KCNB2: variants seen among roughly 807,000 people sequenced by gnomAD.
KCNB2 encodes potassium voltage-gated channel subfamily B member 2.
KCNB2 carries 15 observed loss-of-function variants against 61.5 expected under a neutral mutation model. The observed-to-expected ratio is 0.24, with a 90% CI of 0.16 to 0.38. The LOEUF is 0.38. Ranked by LOEUF, KCNB2 falls within the 10% of genes least tolerant of loss-of-function variation. KCNB2 has a pLI of 1.00. For synonymous variants in KCNB2, 457 were observed against 446.0 expected (o/e 1.02, Z -0.31); for missense variants, 828 against 1,125.2 (o/e 0.74, Z 3.78).
intron 2 of KCNB2, among the ~76,000 whole-genome samples, chr8:72,814,125 G>A (rs568939145): frequency 6.6e-6 from 1 of 152,060 alleles, no homozygotes; most frequent in Non-Finnish European, 1.5e-5. Flanking sequence ...TTTGTATCTA[G>A]TTTCTTTTGT....
chr8:72,601,175 CCA>C (rs1805345897), intron 2 of KCNB2, among the ~76,000 whole-genome samples: 1 of 152,024 alleles, frequency 6.6e-6, no homozygotes, highest in South Asian at 2.1e-4. Flanking sequence ...TTAATTAACC[CCA>C]GTTTTAACTC....
chr8:72,701,604 A>G (rs1807128011), intron 2 of KCNB2, among the ~76,000 whole-genome samples: 1 of 152,132 alleles, frequency 6.6e-6, no homozygotes, highest in African/African-American at 2.4e-5. Flanking sequence ...AGGAAAGAGG[A>G]TAGGCTGGAG....
intron 2 of KCNB2, among the ~76,000 whole-genome samples, chr8:72,689,773 T>C: frequency 6.6e-6 from 1 of 152,244 alleles, no homozygotes; most frequent in East Asian, 1.9e-4. Context: ...ATAGAATATA[T>C]CGCATTTTAT....
intron 2 of KCNB2, among the ~76,000 whole-genome samples, chr8:72,667,208 C>T (rs943484542): frequency 3.3e-5 from 5 of 152,134 alleles, no homozygotes; most frequent in Admixed American, 6.5e-5. Flanking sequence ...TAATACTGGG[C>T]CTGAAGCATA....
chr8:72,549,879 A>T (rs1330944164), intron 1 of KCNB2, among the ~76,000 whole-genome samples: 6 of 152,226 alleles, frequency 3.9e-5, no homozygotes, highest in South Asian at 2.1e-4. Flanking sequence ...GATGGTAATT[A>T]TAGCATAGAC....
chr8:72,787,653 T>TGCTGAGGG (rs1442773123), intron 2 of KCNB2, among the ~76,000 whole-genome samples: 1 of 152,110 alleles, frequency 6.6e-6, no homozygotes, highest in African/African-American at 2.4e-5. Flanking sequence ...AATGGTAGAT[T>TGCTGAGGG]TCAGAGTAAA....
At chr8:72,561,727 ATCTATATC>A (rs1211115060) in intron 1 of KCNB2, among the ~76,000 whole-genome samples, 11,015 of 34,750 alleles carry the variant, frequency 0.32, 2,237 homozygotes, top group East Asian at 0.52. Flanking sequence ...ATATATATAT[ATCTATATC>A]TATATATATA....
chr8:72,915,644 G>T (rs1806384228), intron 2 of KCNB2, among the ~76,000 whole-genome samples: 1 of 152,174 alleles, frequency 6.6e-6, no homozygotes, highest in African/African-American at 2.4e-5. Flanking sequence ...CTGCTGCCGG[G>T]CACGGTGGCT....
At chr8:72,907,631 C>G (rs550447459) in intron 2 of KCNB2, among the ~76,000 whole-genome samples, 2 of 152,276 alleles carry the variant, frequency 1.3e-5, no homozygotes, top group South Asian at 2.1e-4. Context: ...TTCTCTAACA[C>G]AAAAATGTTT....
At chr8:72,708,800 T>G (rs2128991642) in intron 2 of KCNB2, among the ~76,000 whole-genome samples, 1 of 152,324 alleles carries the variant, frequency 6.6e-6, no homozygotes, top group Non-Finnish European at 1.5e-5. Context: ...TATTTTTTCT[T>G]AATAATGGGA....
intron 2 of KCNB2, among the ~76,000 whole-genome samples, chr8:72,914,232 A>G (rs1449470414): frequency 1.3e-5 from 2 of 152,124 alleles, no homozygotes; most frequent in African/African-American, 4.8e-5. Flanking sequence ...ATCACCTCCC[A>G]AAGCATTCCC....
At chr8:72,710,057 G>A (rs947295964) in intron 2 of KCNB2, among the ~76,000 whole-genome samples, 4 of 152,060 alleles carry the variant, frequency 2.6e-5, no homozygotes, top group South Asian at 2.1e-4. Flanking sequence ...TTCCCAGTCC[G>A]GGGAGCCTAT....
At chr8:72,710,225 A>G (rs992098542) in intron 2 of KCNB2, among the ~76,000 whole-genome samples, 1 of 152,218 alleles carries the variant, frequency 6.6e-6, no homozygotes, top group Non-Finnish European at 1.5e-5. Context: ...CAGAGACCCT[A>G]ACACAAAGGA....
At chr8:72,571,076 A>C (rs752605327) in intron 2 of KCNB2, among the ~76,000 whole-genome samples, 2 of 152,216 alleles carry the variant, frequency 1.3e-5, no homozygotes, top group African/African-American at 4.8e-5. Context: ...TATAAAAGCT[A>C]TTAAGATTAT....
intron 2 of KCNB2, among the ~76,000 whole-genome samples, chr8:72,581,553 G>T (rs10110882): frequency 0.12 from 17,740 of 152,248 alleles, 1,424 homozygotes; most frequent in East Asian, 0.48. Context: ...CTATTTCTCT[G>T]TGAGGACTAA....
At chr8:72,855,530 C>T (rs1198909016) in intron 2 of KCNB2, among the ~76,000 whole-genome samples, 1 of 152,156 alleles carries the variant, frequency 6.6e-6, no homozygotes, top group Non-Finnish European at 1.5e-5. Context: ...GACCCAGTAT[C>T]ATCTCTCCAT....
At chr8:72,538,911 A>G (rs1168597627) in intron 1 of KCNB2, among the ~76,000 whole-genome samples, 1 of 152,226 alleles carries the variant, frequency 6.6e-6, no homozygotes, top group Non-Finnish European at 1.5e-5. Flanking sequence ...TCAATATATT[A>G]CATTTCATAG....
chr8:72,540,859 C>A (rs1806179219), intron 1 of KCNB2, among the ~76,000 whole-genome samples: 1 of 151,812 alleles, frequency 6.6e-6, no homozygotes, highest in Non-Finnish European at 1.5e-5. Flanking sequence ...ATTTGATGTC[C>A]CATAGCCACT....
chr8:72,565,349 G>C (rs1465210466), intron 1 of KCNB2, among the ~76,000 whole-genome samples: 1 of 152,146 alleles, frequency 6.6e-6, no homozygotes, highest in African/African-American at 2.4e-5. Flanking sequence ...CCAGAGGCAT[G>C]CAGAAATTGG....
Sources: allele counts gnomAD v4.1 joint callset (sites outside exome capture counted in the v4.1 genomes callset), GRCh38; gene constraint gnomAD v4.1.1; transcripts MANE v1.5; gene names NCBI Gene and HGNC (gene_info 2026-07-23, HGNC 2026-07-21).